The following PP2D1 variants were observed in gnomAD, a reference collection of about 807,000 sequenced individuals.
PP2D1 encodes protein phosphatase 2C-like domain-containing protein 1.
In PP2D1, 25 loss-of-function variants were observed where a neutral mutation model predicts 30.2. The observed-to-expected ratio is 0.83, with a 90% confidence interval of 0.60 to 1.16. PP2D1 has a LOEUF of 1.16. Among genes scored for constraint, PP2D1 ranks in the 50% most tolerant of loss-of-function variants. The probability of loss-of-function intolerance (pLI) is 0.00; values close to 1 mark genes in which losing one functional copy is unlikely to be tolerated. For missense variants in PP2D1, 760 were observed against 742.4 expected, an observed-to-expected ratio of 1.02 and a Z score of -0.28; for synonymous variants, 260 against 258.9, an observed-to-expected ratio of 1.00 and a Z score of -0.04.
In PP2D1 at chr3:19,989,287, G is replaced by A. The variant is rs143763518; in HGVS notation, c.1091-3105C>T. On this transcript the variant is annotated intron_variant, in intron 2 of 2. Coordinates refer to ENST00000389050, the MANE Select transcript of PP2D1 (RefSeq NM_001252657.2). ...GCAGAGGTTGCAGTGAGTCGAGATC[G>A]CATCACTGCACTTCAGTCTGCGCGA... 1.6e-3 allele frequency among the ~76,000 whole-genome samples: 238 copies of A among 152,256 alleles called. 2 individuals carry two copies. Among genetic ancestry groups the A allele is most frequent in the African/African-American group, 5.4e-3 (223 of 41,548 alleles).
downstream of PP2D1, among the ~76,000 whole-genome samples, chr3:19,982,699 C>T (rs576907155): frequency 7.3e-5 from 11 of 150,820 alleles, no homozygotes; most frequent in South Asian, 2.3e-3. Flanking sequence ...GAACTCAGGA[C>T]TGCAGTAAGC....
chr3:19,986,718 G>T (rs1697041659), intron 2 of PP2D1, among the ~76,000 whole-genome samples: 1 of 152,110 alleles, frequency 6.6e-6, no homozygotes, highest in South Asian at 2.1e-4. Context: ...TAACTAGGTT[G>T]CTATAATGTG....
intron 1 of PP2D1, among the ~76,000 whole-genome samples, chr3:20,010,607 G>A (rs1016236827): frequency 6.6e-6 from 1 of 151,904 alleles, no homozygotes; most frequent in Non-Finnish European, 1.5e-5. Flanking sequence ...TTCGAGACTA[G>A]CCTGACCGAC....
downstream of PP2D1, chr3:19,985,167 A>T: frequency 2.0e-6 from 1 of 490,952 alleles, no homozygotes; most frequent in Non-Finnish European, 3.5e-6. Context: ...AAAGTGGTAT[A>T]AAAAGCAAGT....
chr3:19,985,662 T>C lies in PP2D1; in HGVS notation c.1611A>G (p.Ser537=), dbSNP rs1697019528. The C allele has an allele frequency of 6.5e-7, 1 of 1,535,976 alleles. No individual in the cohort carries two copies. Among genetic ancestry groups the C allele is most frequent in the South Asian group, 1.2e-5 (1 of 84,056 alleles). ...TTNSKENLSD[S]NYSKYCIYNP... Reference sequence around the variant, plus strand: ...TATAAATACAGTATTTAGAATAGTTTGAATCGGATAAATTTTCTTTGGAAT... The same window carrying C: ...TATAAATACAGTATTTAGAATAGTTCGAATCGGATAAATTTTCTTTGGAAT... Residue 537 remains serine (S), a synonymous_variant, in exon 3 of 3, where the codon TCA becomes TCG. Transcript: ENST00000389050.
At chr3:19,987,098 A>G (rs1287932445) in intron 2 of PP2D1, among the ~76,000 whole-genome samples, 1 of 149,864 alleles carries the variant, frequency 6.7e-6, no homozygotes, top group African/African-American at 2.5e-5. Flanking sequence ...TACATGAATA[A>G]TAGGCAGCCA....
chr3:19,983,181 CAAAA>C (rs1162186033), downstream of PP2D1, among the ~76,000 whole-genome samples: 1 of 151,684 alleles, frequency 6.6e-6, no homozygotes, highest in African/African-American at 2.4e-5. Context: ...TACTAAAAAA[CAAAA>C]ATTAGCTGGG....
exon 4 of PP2D1, chr3:19,980,114 G>A (rs1286936953): frequency 7.9e-5 from 12 of 152,300 alleles, no homozygotes; most frequent in Admixed American, 4.6e-4. Context: ...GCACAGTTGC[G>A]AAGGATTGTG....
intron 1 of PP2D1, among the ~76,000 whole-genome samples, chr3:20,008,724 T>G (rs1248190491): frequency 6.6e-6 from 1 of 152,128 alleles, no homozygotes; most frequent in South Asian, 2.1e-4. Context: ...GTACTCCACC[T>G]AGGTTACAGA....
chr3:20,011,103 G>C (rs1226216286), intron 1 of PP2D1, among the ~76,000 whole-genome samples: 1 of 152,082 alleles, frequency 6.6e-6, no homozygotes, highest in Non-Finnish European at 1.5e-5. Context: ...ACTCACAGCT[G>C]AGACATATTA....
intron 2 of PP2D1, among the ~76,000 whole-genome samples, chr3:19,993,359 C>T (rs144027313): frequency 2.0e-5 from 3 of 152,194 alleles, no homozygotes; most frequent in African/African-American, 7.2e-5. Context: ...ATACTCAAGA[C>T]GAATAATGAC....
intron 2 of PP2D1, among the ~76,000 whole-genome samples, chr3:19,995,300 T>A (rs74393275): frequency 0.026 from 4,015 of 152,088 alleles, 167 homozygotes; most frequent in African/African-American, 0.091. Flanking sequence ...CAAATTCCAA[T>A]GAGAAATGTC....
Position 20,002,010 on chromosome 3 carries a change from C to T in PP2D1, c.110G>A (p.Arg37His), listed in dbSNP as rs9882323. The change falls in exon 2 of 3, where the codon CGT becomes CAT. Residue 37 changes from arginine (R) to histidine (H), a missense_variant. This residue lies in a region of PP2D1 where 374 missense variants were observed against 388.8 expected (regional missense o/e 0.96). Coordinates refer to ENST00000389050, the MANE Select transcript of PP2D1 (RefSeq NM_001252657.2). ...TGGTCTTGACTTTTTCTTTCTAAAA[C>T]GTTTTCTTTTGGGTAAAAGTAGAAT... The part of the protein sequence containing the change: ...EDILLLPKRK[R>H]FRKKKSRPVR... 280,019 of 1,533,576 alleles carry T rather than the reference C, an allele frequency of 0.18. 27,839 individuals carry two copies. Among genetic ancestry groups the T allele is most frequent in the Middle Eastern group, 0.22 (1,303 of 5,986 alleles). 95.0% of individuals were successfully genotyped at this position (1,533,576 alleles called of 1,614,324 possible).
At chr3:19,995,183 C>A (rs1343292914) in intron 2 of PP2D1, among the ~76,000 whole-genome samples, 1 of 152,120 alleles carries the variant, frequency 6.6e-6, no homozygotes, top group African/African-American at 2.4e-5. Context: ...AAATTTACTC[C>A]TAACACCCAC....
At chr3:19,999,498 C>T (rs1336014807) in intron 2 of PP2D1, among the ~76,000 whole-genome samples, 1 of 152,026 alleles carries the variant, frequency 6.6e-6, no homozygotes, top group Non-Finnish European at 1.5e-5. Context: ...TCTCCTGCCT[C>T]AGCCTCCTGA....
intron 1 of PP2D1, among the ~76,000 whole-genome samples, chr3:20,005,154 T>A (rs944386392): frequency 1.2e-4 from 12 of 103,600 alleles, no homozygotes; most frequent in Admixed American, 4.4e-4. Flanking sequence ...TTTTTTTTTT[T>A]AAATTTATTT....
At chr3:19,998,147 T>C (rs1697205398) in intron 2 of PP2D1, among the ~76,000 whole-genome samples, 1 of 152,104 alleles carries the variant, frequency 6.6e-6, no homozygotes, top group Non-Finnish European at 1.5e-5. Flanking sequence ...CTGACCAGCA[T>C]GGTGAAACCC....
Position 20,001,498 on chromosome 3 carries a change from C to CA in PP2D1, c.621dup (p.Asp208Ter), listed in dbSNP as rs1697252164. 2.0e-6 allele frequency: 3 copies of CA among 1,535,822 alleles called. No individual in the cohort carries two copies. The highest frequency in any genetic ancestry group is 2.6e-6 in the Non-Finnish European group (3 of 1,146,714). ...GCCGCTGAGGCACCGTGATGTCCAT[C>CA]AAACAAACCAAAAAAACACACATTA... On this transcript the variant is annotated frameshift_variant, in exon 2 of 3. Transcript: ENST00000389050. LOFTEE classifies it high-confidence loss of function.
At chr3:19,980,982 A>G (rs965011360), downstream of PP2D1, among the ~76,000 whole-genome samples, 5 of 152,234 alleles carry the variant, frequency 3.3e-5, no homozygotes, top group African/African-American at 1.2e-4. Flanking sequence ...CCGATCTCAA[A>G]GCAGAGTGTA....
Sources: gnomAD v4.1 joint callset for allele counts (sites outside exome capture counted in the v4.1 genomes callset) on GRCh38, gnomAD v4.1.1 for gene constraint, gnomAD v4.1.1 regional missense constraint, MANE v1.5 for transcripts, NCBI Gene and HGNC (gene_info 2026-07-23, HGNC 2026-07-21) for gene names.